The following GEMIN8 variants were observed in gnomAD, a reference collection of about 807,000 sequenced individuals.
The protein encoded by GEMIN8 is gem-associated protein 8.
For synonymous variants in GEMIN8, 80 were observed against 78.5 expected, an observed-to-expected ratio of 1.02 and a Z score of -0.10; for missense variants, 185 against 205.9, an observed-to-expected ratio of 0.90 and a Z score of 0.62.
At chrX:14,028,392 G>A (rs949204040) in intron 1 of GEMIN8, among the ~76,000 whole-genome samples, 4 of 111,938 alleles carry the variant, frequency 3.6e-5, no homozygotes, top group African/African-American at 1.3e-4. Context: ...ATCTTTTCAG[G>A]AAGCAAATAT....
rs778576267 is a variant in GEMIN8 at position 14,021,493 on chromosome X, G to A, written c.-15C>T. The A allele has an allele frequency of 5.2e-6, 6 of 1,164,468 alleles. No individual in the cohort carries two copies. The highest frequency in any genetic ancestry group is 7.0e-6 in the Non-Finnish European group (6 of 854,657). ...ACCGCTGCCATCTCTGATTGTGAAA[G>A]TCCAAATGGGTGCTGAAACTAGGAA... On this transcript the variant is annotated 5_prime_UTR_variant, in exon 3 of 5. Transcript: ENST00000680255.
intron 4 of GEMIN8, among the ~76,000 whole-genome samples, chrX:14,018,833 G>A (rs1246099824): frequency 1.0e-5 from 1 of 99,292 alleles, no homozygotes; most frequent in Non-Finnish European, 2.0e-5. Context: ...TGGTGTGATC[G>A]TGGCTCACTG....
At chrX:14,017,658 C>T in intron 4 of GEMIN8, among the ~76,000 whole-genome samples, 1 of 112,161 alleles carries the variant, frequency 8.9e-6, no homozygotes, top group Non-Finnish European at 1.9e-5. Context: ...AGGCCTCTCC[C>T]ACCTTCTGGA....
rs570852181 is a variant in GEMIN8, at chrX:14,028,111, T to A, written c.-116+1666A>T. 2.3e-4 allele frequency among the ~76,000 whole-genome samples: 26 copies of A among 112,429 alleles called. No homozygotes were observed. In the South Asian group the frequency reaches 8.8e-3, roughly 38 times the overall value. On this transcript the variant is annotated intron_variant, in intron 1 of 4. Transcript: ENST00000680255. ...CATATTCACGGTAATTCCATGTTAATCTCTCTTTTCTGAATTTATAGGCAC... is the reference window on the plus strand; with the variant it reads ...CATATTCACGGTAATTCCATGTTAAACTCTCTTTTCTGAATTTATAGGCAC...
At chrX:14,027,507 T>C (rs1475308464) in intron 1 of GEMIN8, among the ~76,000 whole-genome samples, 3 of 112,999 alleles carry the variant, frequency 2.7e-5, no homozygotes, top group East Asian at 2.8e-4. Context: ...TTAAAACTGA[T>C]AGGCAAGGGA....
chrX:13,996,327 C>T, the GEMIN8 span, among the ~76,000 whole-genome samples: 4 of 111,617 alleles, frequency 3.6e-5, no homozygotes, highest in African/African-American at 1.3e-4. Context: ...TGTATTAGTT[C>T]GTTTTCATAA....
chrX:14,001,480 C>A, the GEMIN8 span, among the ~76,000 whole-genome samples: 2 of 111,931 alleles, frequency 1.8e-5, no homozygotes, highest in East Asian at 5.7e-4. Flanking sequence ...CACACCATAT[C>A]CCATAACACC....
At chrX:13,986,016 T>G in the GEMIN8 span, among the ~76,000 whole-genome samples, 24 of 112,199 alleles carry the variant, frequency 2.1e-4, no homozygotes, top group East Asian at 6.7e-3. Flanking sequence ...TCTCTGCTAT[T>G]TGTGTTGTTT....
At chrX:13,984,594 C>T in the GEMIN8 span, among the ~76,000 whole-genome samples, 1 of 111,196 alleles carries the variant, frequency 9.0e-6, no homozygotes, top group African/African-American at 3.3e-5. Context: ...ATCTGCTGAT[C>T]CCTGATCTAA....
chrX:14,019,975 C>G lies in GEMIN8; in HGVS notation c.472+103G>C. 6 of 459,366 alleles carry G rather than the reference C, an allele frequency of 1.3e-5. No homozygotes were observed. The East Asian group carries it at 2.3e-4, about 17-fold the overall frequency. 37.9% of individuals were successfully genotyped at this position (459,366 alleles called of 1,213,427 possible). The stretch of plus-strand genomic sequence containing the variant: ...TTAGGACTGGATTTGGAATATTACC[C>G]TAGCCAATGAAGAATTATAAAATTA... On this transcript the variant is annotated intron_variant, in intron 4 of 4. Coordinates refer to ENST00000680255, the MANE Select transcript of GEMIN8 (RefSeq NM_001042479.2).
Position 14,020,509 on chromosome X carries a change from G to A in GEMIN8, c.41C>T (p.Pro14Leu). ...TGCATATACCGGATGAGAATACCAA[G>A]GCCTGGTAGCTTTCGATGTTGATGC... ...VKASTSKATRPWYSHPVYARY... is the reference protein window; with the variant it reads ...VKASTSKATRLWYSHPVYARY... Residue 14 changes from proline (P) to leucine (L), a missense_variant, in exon 4 of 5, where the codon CCT (proline) becomes CTT (leucine). Transcript: ENST00000680255. 1 of 1,193,928 alleles carries A rather than the reference G, an allele frequency of 8.4e-7. No homozygotes were observed. The highest frequency in any genetic ancestry group is 1.1e-6 in the Non-Finnish European group (1 of 879,619).
In GEMIN8 at chrX:14,021,814, G is replaced by GTATATATATA. The variant is rs147147045; in HGVS notation, c.-33-313_-33-304dup. Among the ~76,000 whole-genome samples, 134 of 78,237 alleles carry GTATATATATA rather than the reference G, an allele frequency of 1.7e-3. 1 individual carries two copies. Among genetic ancestry groups the GTATATATATA allele is most frequent in the African/African-American group, 5.5e-3 (106 of 19,253 alleles). 67.9% of individuals were successfully genotyped at this position (78,237 alleles called of 115,157 possible). A position where few individuals can be genotyped will look rare whatever the true frequency, so the allele number is the denominator to read the frequency against. On this transcript the variant is annotated intron_variant, in intron 2 of 4. Coordinates refer to ENST00000680255, the MANE Select transcript of GEMIN8 (RefSeq NM_001042479.2). ...TAAATATTTAGTAGTTAATGTGTGTGTATATATATATATATATATATATAT... is the reference window on the plus strand; with the variant it reads ...TAAATATTTAGTAGTTAATGTGTGTGTATATATATATATATATATATATATATATATATAT...
At chrX:14,023,677 C>T (rs1924514087) in intron 2 of GEMIN8, among the ~76,000 whole-genome samples, 1 of 112,187 alleles carries the variant, frequency 8.9e-6, no homozygotes, top group Non-Finnish European at 1.9e-5. Context: ...GTGCCCGGCC[C>T]AGGTTTTATA....
intron 2 of GEMIN8, among the ~76,000 whole-genome samples, chrX:14,024,652 A>G (rs895766023): frequency 5.4e-5 from 6 of 111,991 alleles, no homozygotes; most frequent in African/African-American, 1.6e-4. Flanking sequence ...TTATGCAAGA[A>G]AGAAGCCAAG....
At chrX:14,013,011 G>A (rs1002937448) in intron 4 of GEMIN8, among the ~76,000 whole-genome samples, 2 of 112,637 alleles carry the variant, frequency 1.8e-5, no homozygotes, top group African/African-American at 6.5e-5. Flanking sequence ...CAGACAGGCT[G>A]TGCACTGATG....
rs192635052 is a variant in GEMIN8, at chrX:14,021,230, C to T, written c.15+234G>A. ...TGGACACAGGAAGGGGAACATCACA[C>T]ACCAGGGACTGTTGTGGGGTGGGGG... On this transcript the variant is annotated intron_variant, in intron 3 of 4. Transcript: ENST00000680255. Among the ~76,000 whole-genome samples the T allele has an allele frequency of 9.1e-4, 74 of 81,545 alleles. No homozygotes were observed. The East Asian group carries it at 0.023, about 26-fold the overall frequency. 70.8% of individuals were successfully genotyped at this position (81,545 alleles called of 115,157 possible).
At position 14,006,935 on chromosome X, in the gene GEMIN8, A is replaced by T. The variant is rs184528698; in HGVS notation, c.*1978T>A. 8.9e-6 allele frequency among the ~76,000 whole-genome samples: 1 copy of T among 111,951 alleles called. No individual in the cohort carries two copies. The highest frequency in any genetic ancestry group is 9.5e-5 in the Admixed American group (1 of 10,523). On this transcript the variant is annotated 3_prime_UTR_variant, in exon 5 of 5. Transcript: ENST00000680255. ...CATGGTGATTTCTTTAGGGGAGGGT[A>T]TAAGAGTCCTTTGCGAAGAGAAACA...
rs1924320610 is a variant in GEMIN8 at position 14,021,577 on chromosome X, T to C, written c.-33-66A>G. On this transcript the variant is annotated intron_variant, in intron 2 of 4. Transcript: ENST00000680255. Reference sequence around the variant, plus strand: ...GGCTGTGTGATATTTGTGGCTATTCTATGGTTTGTGAGGCAGCTCCCAAGG... The same window carrying C: ...GGCTGTGTGATATTTGTGGCTATTCCATGGTTTGTGAGGCAGCTCCCAAGG... 4 of 798,567 alleles carry C rather than the reference T, an allele frequency of 5.0e-6. No homozygotes were observed. In the Admixed American group the frequency reaches 1.0e-4, roughly 21 times the overall value. 65.8% of individuals were successfully genotyped at this position (798,567 alleles called of 1,213,427 possible).
downstream of GEMIN8, among the ~76,000 whole-genome samples, chrX:14,002,798 G>C (rs982998146): frequency 2.7e-5 from 3 of 111,908 alleles, no homozygotes; most frequent in African/African-American, 9.7e-5. Flanking sequence ...CACCACGCCC[G>C]GCCAACATCT....
Sources: gnomAD v4.1 joint callset for allele counts (sites outside exome capture counted in the v4.1 genomes callset) on GRCh38, gnomAD v4.1.1 for gene constraint, MANE v1.5 for transcripts, NCBI Gene and HGNC (gene_info 2026-07-23, HGNC 2026-07-21) for gene names.